The following NELL1 variants were observed in gnomAD, a reference collection of about 807,000 sequenced individuals.
NELL1 encodes protein kinase C-binding protein NELL1.
NELL1 carries 76 observed loss-of-function variants against 107.4 expected under a neutral mutation model. The observed-to-expected ratio is 0.71, with a 90% CI of 0.59 to 0.86. The LOEUF (loss-of-function observed/expected upper bound fraction) is 0.86. NELL1 is among the 40% of genes least tolerant of loss of function. The probability of loss-of-function intolerance (pLI) is 0.00; values close to 1 mark genes in which losing one functional copy is unlikely to be tolerated. For synonymous variants in NELL1, 353 were observed against 341.2 expected (o/e 1.03, Z -0.38); for missense variants, 1,024 against 1,005.5 (o/e 1.02, Z -0.25).
At chr11:20,848,764 A>T (rs1848745766) in intron 4 of NELL1, among the ~76,000 whole-genome samples, 1 of 152,192 alleles carries the variant, frequency 6.6e-6, no homozygotes, top group African/African-American at 2.4e-5. Flanking sequence ...TCATGAGGAG[A>T]TGCTTGAATA....
At chr11:21,358,565 A>ATT (rs75578174) in intron 14 of NELL1, among the ~76,000 whole-genome samples, 3,516 of 97,474 alleles carry the variant, frequency 0.036, 72 homozygotes, top group Admixed American at 0.077. Flanking sequence ...TGCCCTGATA[A>ATT]TTTTTTTTTT....
chr11:21,314,864 C>CTTTTTTTT lies in NELL1; in HGVS notation c.1550-55985_1550-55978dup, dbSNP rs750358102. On this transcript the variant is annotated intron_variant, in intron 14 of 19. Transcript: ENST00000357134. ...AAGTGCAGTGGATACAGCAAGAGGG[C>CTTTTTTTT]TTTTTTTTTTTGAGACAAATCTCAC... 4.7e-3 allele frequency among the ~76,000 whole-genome samples: 675 copies of CTTTTTTTT among 144,716 alleles called. 8 individuals are homozygous for CTTTTTTTT. The highest frequency in any genetic ancestry group is 0.016 in the African/African-American group (647 of 39,354). 94.9% of individuals were successfully genotyped at this position (144,716 alleles called of 152,430 possible). A position where few individuals can be genotyped will look rare whatever the true frequency, so the allele number is the denominator to read the frequency against.
intron 12 of NELL1, among the ~76,000 whole-genome samples, chr11:21,013,636 T>C (rs1013260472): frequency 9.2e-5 from 14 of 152,096 alleles, no homozygotes; most frequent in African/African-American, 3.1e-4. Flanking sequence ...CACAGAAAAA[T>C]TGTGAAGATG....
intron 12 of NELL1, among the ~76,000 whole-genome samples, chr11:21,074,572 T>C (rs1484788839): frequency 2.6e-5 from 4 of 152,162 alleles, no homozygotes; most frequent in African/African-American, 9.7e-5. Context: ...TTCATAACTC[T>C]AACTGCTCTC....
chr11:21,079,040 TA>T (rs558352074), intron 12 of NELL1, among the ~76,000 whole-genome samples: 285 of 143,292 alleles, frequency 2.0e-3, no homozygotes, highest in East Asian at 7.9e-3. Context: ...GACTGATAAC[TA>T]AAAAAAAAAA....
intron 14 of NELL1, among the ~76,000 whole-genome samples, chr11:21,330,432 C>T (rs907607339): frequency 2.6e-5 from 4 of 151,948 alleles, no homozygotes; most frequent in African/African-American, 9.7e-5. Flanking sequence ...CAAATTCTGT[C>T]AATTTTGTTC....
intron 4 of NELL1, among the ~76,000 whole-genome samples, chr11:20,849,911 G>T (rs1263577282): frequency 1.3e-5 from 2 of 152,086 alleles, no homozygotes; most frequent in East Asian, 3.9e-4. Context: ...ATTCCCCGAG[G>T]GCGGAACCTG....
chr11:21,431,967 G>T (rs903911280), intron 15 of NELL1, among the ~76,000 whole-genome samples: 1 of 152,094 alleles, frequency 6.6e-6, no homozygotes, highest in Admixed American at 6.6e-5. Flanking sequence ...GCAACTCAAT[G>T]TACTCAGCTA....
chr11:21,292,468 A>G (rs1361371174), intron 14 of NELL1, among the ~76,000 whole-genome samples: 1 of 152,206 alleles, frequency 6.6e-6, no homozygotes, highest in Non-Finnish European at 1.5e-5. Flanking sequence ...GCTCATGGAT[A>G]GGAAGAATCA....
At chr11:20,892,697 G>A (rs1346435362) in intron 5 of NELL1, among the ~76,000 whole-genome samples, 1 of 152,198 alleles carries the variant, frequency 6.6e-6, no homozygotes, top group Non-Finnish European at 1.5e-5. Flanking sequence ...TTGGGAGGCC[G>A]AGGTGGGTGG....
chr11:21,234,730 G>A (rs530982152), intron 14 of NELL1, among the ~76,000 whole-genome samples: 1 of 152,274 alleles, frequency 6.6e-6, no homozygotes, highest in Non-Finnish European at 1.5e-5. Context: ...TGAGTTGCTG[G>A]ATAAACTGTG....
At chr11:21,034,853 A>T (rs1853049292) in intron 12 of NELL1, among the ~76,000 whole-genome samples, 1 of 152,096 alleles carries the variant, frequency 6.6e-6, no homozygotes. Flanking sequence ...AGGTCAAACA[A>T]ATCCCAAAGC....
At chr11:21,564,804 A>G (rs1000711692) in intron 17 of NELL1, among the ~76,000 whole-genome samples, 2 of 151,918 alleles carry the variant, frequency 1.3e-5, no homozygotes, top group African/African-American at 4.8e-5. Context: ...GTGGAAAGGA[A>G]AGTCAAAGTG....
intron 12 of NELL1, among the ~76,000 whole-genome samples, chr11:20,971,449 T>G (rs1851499617): frequency 6.6e-6 from 1 of 152,164 alleles, no homozygotes; most frequent in Non-Finnish European, 1.5e-5. Context: ...CGCTTTAAAC[T>G]TTTTTGGTTA....
rs546422895 is a variant in NELL1 at position 21,435,062 on chromosome 11, C to T, written c.1645+64114C>T. 1.8e-3 allele frequency among the ~76,000 whole-genome samples: 275 copies of T among 152,106 alleles called. 1 individual carries two copies. The highest frequency in any genetic ancestry group is 0.015 in the South Asian group (72 of 4,822). Reference sequence around the variant, plus strand: ...GTAACTTTACCGAATTTGTTGATTACTTCTAAGAGGGTTTTTTTGTGGGTT... The same window carrying T: ...GTAACTTTACCGAATTTGTTGATTATTTCTAAGAGGGTTTTTTTGTGGGTT... On this transcript the variant is annotated intron_variant, in intron 15 of 19. Transcript: ENST00000357134.
chr11:20,728,111 G>A (rs9630161), intron 2 of NELL1, among the ~76,000 whole-genome samples: 24,507 of 152,006 alleles, frequency 0.16, 2,326 homozygotes, highest in East Asian at 0.32. Context: ...ATCTTTTCGA[G>A]GAGTGTTTGT....
intron 12 of NELL1, among the ~76,000 whole-genome samples, chr11:21,017,106 G>A (rs1039226059): frequency 6.6e-6 from 1 of 152,010 alleles, no homozygotes; most frequent in African/African-American, 2.4e-5. Context: ...CAGAGAAACA[G>A]GAACACTTTC....
intron 1 of NELL1, among the ~76,000 whole-genome samples, chr11:20,672,063 A>G (rs1590194049): frequency 6.6e-6 from 1 of 152,332 alleles, no homozygotes; most frequent in South Asian, 2.1e-4. Flanking sequence ...TAGAGGCCGC[A>G]TATTTCTTCT....
At chr11:21,201,928 T>A (rs1235795548) in intron 13 of NELL1, among the ~76,000 whole-genome samples, 2 of 152,186 alleles carry the variant, frequency 1.3e-5, no homozygotes, top group African/African-American at 4.8e-5. Context: ...ATGGATTACG[T>A]TTATTGATTT....
Sources: allele counts gnomAD v4.1 joint callset (sites outside exome capture counted in the v4.1 genomes callset), GRCh38; gene constraint gnomAD v4.1.1; transcripts MANE v1.5; gene names NCBI Gene and HGNC (gene_info 2026-07-23, HGNC 2026-07-21).